Variants in OSBPL10 observed in about 807,000 individuals in gnomAD.
OSBPL10 encodes the protein oxysterol binding protein like 10.
In OSBPL10, 49 loss-of-function variants were observed where a neutral mutation model predicts 81.7. That is an observed-to-expected ratio of 0.60 (90% CI 0.48 to 0.76). OSBPL10 has a LOEUF of 0.76. OSBPL10 is among the 30% of genes least tolerant of loss of function. OSBPL10 has a pLI of 0.00. For missense variants in OSBPL10, 923 were observed against 987.8 expected (o/e 0.93, Z 0.88); for synonymous variants, 419 against 383.6 (o/e 1.09, Z -1.08).
intron 4 of OSBPL10, among the ~76,000 whole-genome samples, chr3:31,789,390 G>T (rs1354846010): frequency 6.6e-6 from 1 of 152,198 alleles, no homozygotes; most frequent in Non-Finnish European, 1.5e-5. Context: ...AGTCCATCAT[G>T]AAAGAGTAGT....
rs946198320 is a variant in OSBPL10, at chr3:31,784,008, AC to A, written c.730-35889del. ...AATGATAACAAGTTTGTGATTCACC[AC>A]AGAAACTTGTGATTTGTTGCTTAGG... On this transcript the variant is annotated intron_variant, in intron 4 of 11. Coordinates refer to ENST00000396556, the MANE Select transcript of OSBPL10 (RefSeq NM_017784.5). 4.0e-4 allele frequency among the ~76,000 whole-genome samples: 61 copies of A among 151,260 alleles called. 1 individual carries two copies. The highest frequency in any genetic ancestry group is 1.4e-3 in the African/African-American group (58 of 41,230).
chr3:31,957,785 C>T (rs1248045113), intron 1 of OSBPL10, among the ~76,000 whole-genome samples: 1 of 152,104 alleles, frequency 6.6e-6, no homozygotes, highest in East Asian at 1.9e-4. Context: ...GGATTACAGG[C>T]ACATGCCACC....
At chr3:31,852,571 CTTTT>C (rs901806925) in intron 3 of OSBPL10, among the ~76,000 whole-genome samples, 1 of 123,850 alleles carries the variant, frequency 8.1e-6, no homozygotes, top group African/African-American at 3.0e-5. Context: ...AAGTTTTTTC[CTTTT>C]TTTGTTTGTT....
chr3:31,827,529 A>G (rs1424550610), intron 4 of OSBPL10, among the ~76,000 whole-genome samples: 2 of 152,046 alleles, frequency 1.3e-5, no homozygotes, highest in Non-Finnish European at 2.9e-5. Flanking sequence ...TCAGCTACTC[A>G]GGAGGCTGAG....
chr3:31,742,506 G>A (rs1043150054), intron 5 of OSBPL10, among the ~76,000 whole-genome samples: 9 of 152,054 alleles, frequency 5.9e-5, no homozygotes, highest in South Asian at 2.1e-4. Flanking sequence ...TTGTGTTCAC[G>A]GGTACCTGTG....
chr3:31,771,825 C>G (rs1221798891), intron 4 of OSBPL10, among the ~76,000 whole-genome samples: 1 of 152,174 alleles, frequency 6.6e-6, no homozygotes, highest in Admixed American at 6.5e-5. Context: ...CCGGCCTTCT[C>G]CCTATAACCC....
rs371689438 is a variant in OSBPL10 at position 32,027,255 on chromosome 3, C to T, written n.298+19236G>A. 7.2e-5 allele frequency among the ~76,000 whole-genome samples: 11 copies of T among 152,238 alleles called. 1 individual carries two copies. On this transcript the variant is annotated intron_variant and non_coding_transcript_variant, in intron 2 of 3. Coordinates refer to the OSBPL10 transcript ENST00000479173. ...CCATGTGTTCTCACTGTTCAACTCC[C>T]ACTTATGAGTGAGAACATGCGATGT...
Position 32,065,416 on chromosome 3 carries a change from C to G in OSBPL10, n.185+11980G>C, listed in dbSNP as rs1303686657. The stretch of plus-strand genomic sequence containing the variant: ...AGGTATGTGACCTACACAGATAACT[C>G]CAGAAGACAGTTTTTCTTGCTCCTG... On this transcript the variant is annotated intron_variant and non_coding_transcript_variant, in intron 1 of 3. Coordinates refer to the OSBPL10 transcript ENST00000479173. 2.2e-5 allele frequency: 2 copies of G among 92,342 alleles called. 1 individual carries two copies. Among genetic ancestry groups the G allele is most frequent in the African/African-American group, 5.6e-5 (2 of 35,882 alleles). The allele number at this position is 92,342 out of a possible 1,614,324, so 5.7% of individuals were successfully genotyped here.
intron 4 of OSBPL10, among the ~76,000 whole-genome samples, chr3:31,814,049 C>T (rs1434082501): frequency 3.9e-5 from 6 of 152,184 alleles, no homozygotes; most frequent in Non-Finnish European, 5.9e-5. Context: ...CCTATCCTTA[C>T]AGCCTCTCTC....
At chr3:32,004,467 C>T (rs1283675552) in intron 2 of OSBPL10, among the ~76,000 whole-genome samples, 1 of 152,168 alleles carries the variant, frequency 6.6e-6, no homozygotes, top group Non-Finnish European at 1.5e-5. Context: ...GAAGAGAAGA[C>T]AAGAAAGGGG....
intron 4 of OSBPL10, 32 bp downstream of exon 4, chr3:31,830,008 G>T: frequency 1.3e-6 from 2 of 1,580,362 alleles, no homozygotes; most frequent in Non-Finnish European, 8.6e-7. Context: ...ACTCCCCGGG[G>T]CTGCTTAACC....
chr3:31,745,812 A>G (rs1422769774), intron 5 of OSBPL10, among the ~76,000 whole-genome samples: 1 of 152,244 alleles, frequency 6.6e-6, no homozygotes, highest in African/African-American at 2.4e-5. Flanking sequence ...GGTGGGTTTC[A>G]CCAAAAGAAA....
intron 5 of OSBPL10, among the ~76,000 whole-genome samples, chr3:31,741,619 T>C (rs1305027613): frequency 6.6e-6 from 1 of 152,192 alleles, no homozygotes; most frequent in Non-Finnish European, 1.5e-5. Flanking sequence ...TAGACAGTTG[T>C]AAAAAAATAA....
At chr3:32,015,667 T>C (rs1349445649) in intron 2 of OSBPL10, among the ~76,000 whole-genome samples, 1 of 152,136 alleles carries the variant, frequency 6.6e-6, no homozygotes, top group Non-Finnish European at 1.5e-5. Flanking sequence ...ACAGGCAACC[T>C]ACAGAATGGG....
intron 5 of OSBPL10, among the ~76,000 whole-genome samples, chr3:31,737,971 G>C (rs2125676702): frequency 6.7e-6 from 1 of 149,132 alleles, no homozygotes; most frequent in East Asian, 2.0e-4. Context: ...CAGCCCTCCA[G>C]CCTGGGTGAC....
intron 1 of OSBPL10, among the ~76,000 whole-genome samples, chr3:31,930,471 C>T (rs547071758): frequency 2.0e-5 from 3 of 152,150 alleles, no homozygotes; most frequent in East Asian, 1.9e-4. Flanking sequence ...CAACATTTAC[C>T]CCACAGAAAT....
At chr3:31,813,665 C>T (rs368755308) in intron 4 of OSBPL10, among the ~76,000 whole-genome samples, 16 of 152,028 alleles carry the variant, frequency 1.1e-4, no homozygotes, top group African/African-American at 3.9e-4. Flanking sequence ...GGACGAGGTG[C>T]ATGTACCCAT....
At chr3:32,013,245 C>T (rs1168462924) in intron 2 of OSBPL10, among the ~76,000 whole-genome samples, 1 of 151,944 alleles carries the variant, frequency 6.6e-6, no homozygotes, top group African/African-American at 2.4e-5. Context: ...ACAAACTGTC[C>T]CTCAGACCAC....
At chr3:31,729,989 G>A (rs866478945) in intron 6 of OSBPL10, among the ~76,000 whole-genome samples, 3 of 152,206 alleles carry the variant, frequency 2.0e-5, no homozygotes, top group East Asian at 1.9e-4. Flanking sequence ...AACTCCAACT[G>A]TAAGAAAGTC....
Sources: gnomAD v4.1 joint callset for allele counts (sites outside exome capture counted in the v4.1 genomes callset) on GRCh38, gnomAD v4.1.1 for gene constraint, MANE v1.5 for transcripts, NCBI Gene and HGNC (gene_info 2026-07-23, HGNC 2026-07-21) for gene names.